Variants in DYNC2H1 observed in about 807,000 individuals in gnomAD.
DYNC2H1 encodes the protein cytoplasmic dynein 2 heavy chain 1.
Under a neutral mutation model 570.0 loss-of-function variants are expected in DYNC2H1, and 410 were observed. The ratio of observed to expected loss-of-function variants is 0.72; its 90% CI spans 0.66 to 0.78. The LOEUF is 0.78. Among genes scored for constraint, DYNC2H1 ranks in the 30% least tolerant of loss-of-function variants. The pLI is 0.00. For synonymous variants in DYNC2H1, 1,688 were observed against 1,677.6 expected (o/e 1.01, Z -0.15); for missense variants, 4,865 against 5,046.4 (o/e 0.96, Z 1.09).
chr11:103,259,853 AAATTTCCTAATG>A (rs1565440077), intron 69 of DYNC2H1, 23 bp from the exon 70 acceptor site: 1 of 1,380,222 alleles, frequency 7.2e-7, no homozygotes, highest in Non-Finnish European at 9.8e-7. Flanking sequence ...AAATGTTTAT[AAATTTCCTAATG>A]AATTTCCAAT....
At chr11:103,327,648 C>G (rs1392964924) in intron 82 of DYNC2H1, among the ~76,000 whole-genome samples, 1 of 152,016 alleles carries the variant, frequency 6.6e-6, no homozygotes, top group Non-Finnish European at 1.5e-5. Context: ...CAGATACAGC[C>G]TTAGAGACTT....
At chr11:103,364,410 A>G (rs898232183) in intron 83 of DYNC2H1, among the ~76,000 whole-genome samples, 8 of 152,078 alleles carry the variant, frequency 5.3e-5, no homozygotes, top group Admixed American at 4.6e-4. Flanking sequence ...AAACATTTTT[A>G]TGATGGCTGC....
Position 103,447,756 on chromosome 11 carries a change from C to T in DYNC2H1, c.12457-7430C>T, listed in dbSNP as rs118065667. 3.2e-3 allele frequency among the ~76,000 whole-genome samples: 483 copies of T among 152,202 alleles called. 5 individuals are homozygous for T. The highest frequency in any genetic ancestry group is 0.023 in the Admixed American group (359 of 15,280). ...ATTTTATAAGCACTTGGGTTTACTACTAATGTTTTGTTTCTTGTGGGTATC... is the reference window on the plus strand; with the variant it reads ...ATTTTATAAGCACTTGGGTTTACTATTAATGTTTTGTTTCTTGTGGGTATC... On this transcript the variant is annotated intron_variant, in intron 85 of 88. Coordinates refer to ENST00000375735, the MANE Select transcript of DYNC2H1 (RefSeq NM_001377.3).
At chr11:103,365,316 G>A (rs963948851) in intron 83 of DYNC2H1, among the ~76,000 whole-genome samples, 17 of 151,362 alleles carry the variant, frequency 1.1e-4, no homozygotes, top group Non-Finnish European at 1.9e-4. Context: ...AGCCAAGATC[G>A]CACCATTGCA....
chr11:103,341,473 A>G (rs1939437396), intron 82 of DYNC2H1, among the ~76,000 whole-genome samples: 1 of 152,180 alleles, frequency 6.6e-6, no homozygotes, highest in Admixed American at 6.5e-5. Flanking sequence ...GCCACTTAGT[A>G]TTATCTGGGA....
rs1938469936 is a variant in DYNC2H1 at position 103,326,265 on chromosome 11, C to G, written c.12039+2275C>G. 6.6e-6 allele frequency among the ~76,000 whole-genome samples: 1 copy of G among 152,096 alleles called. No individual in the cohort carries two copies. The highest frequency in any genetic ancestry group is 1.5e-5 in the Non-Finnish European group (1 of 68,018). On this transcript the variant is annotated intron_variant, in intron 82 of 88. Coordinates refer to ENST00000375735, the MANE Select transcript of DYNC2H1 (RefSeq NM_001377.3). This position sits in a 1 kb window ranked among gnomAD's most constrained non-coding sequence, Gnocchi z 6.1. ...GGGGCGGGGAATAAAATCATCTCAC[C>G]AGGGCCCCGTCCTTGGCTTTGAGTG...
In DYNC2H1 at chr11:103,179,244, G is replaced by T; in HGVS notation, c.6347+11G>T. The T allele has an allele frequency of 1.2e-6, 2 of 1,610,886 alleles. No individual in the cohort carries two copies. The highest frequency in any genetic ancestry group is 1.7e-6 in the Non-Finnish European group (2 of 1,177,742). ...AATGATCTTTCTTAGGTAAGCCATA[G>T]ATTATTTATATACAGTATATTAGAA... is the stretch of plus-strand genomic sequence containing the variant. On this transcript the variant is annotated intron_variant, in intron 39 of 88. Transcript: ENST00000375735.
chr11:103,477,349 A>C (rs992371), intron 88 of DYNC2H1, among the ~76,000 whole-genome samples: 73,814 of 151,930 alleles, frequency 0.49, 19,658 homozygotes, highest in Non-Finnish European at 0.61. Context: ...ATATTTTAAA[A>C]TGGGTCTAGC....
At chr11:103,290,295 CTT>C (rs1208377018) in intron 75 of DYNC2H1, among the ~76,000 whole-genome samples, 6 of 152,032 alleles carry the variant, frequency 3.9e-5, no homozygotes, top group Non-Finnish European at 8.8e-5. Context: ...TTTTGAGTCA[CTT>C]TTTAGACTGG....
chr11:103,167,651 G>A (rs1381052995), intron 31 of DYNC2H1, among the ~76,000 whole-genome samples: 1 of 152,118 alleles, frequency 6.6e-6, no homozygotes, highest in Non-Finnish European at 1.5e-5. Flanking sequence ...CTTTTCTTAT[G>A]TGAATTGAGA....
intron 87 of DYNC2H1, among the ~76,000 whole-genome samples, chr11:103,464,646 A>G (rs1163035445): frequency 6.6e-6 from 1 of 152,212 alleles, no homozygotes; most frequent in African/African-American, 2.4e-5. Flanking sequence ...ACTAGATGTC[A>G]GAAGACAGTA....
At position 103,461,611 on chromosome 11, in the gene DYNC2H1, G is replaced by A. The variant is rs974769038; in HGVS notation, c.12648+5255G>A. 2.0e-5 allele frequency among the ~76,000 whole-genome samples: 3 copies of A among 152,112 alleles called. No individual in the cohort carries two copies. In the East Asian group the frequency reaches 5.8e-4, roughly 29 times the overall value. Reference sequence around the variant, plus strand: ...CTTCGAGTGCTCAGTAGCCATATGCGGTATAGTATATACAGTAACCACATA... The same window carrying A: ...CTTCGAGTGCTCAGTAGCCATATGCAGTATAGTATATACAGTAACCACATA... On this transcript the variant is annotated intron_variant, in intron 87 of 88. Coordinates refer to ENST00000375735, the MANE Select transcript of DYNC2H1 (RefSeq NM_001377.3). This position sits in a 1 kb window ranked among gnomAD's most constrained non-coding sequence, Gnocchi z 4.8.
At chr11:103,430,030 G>T (rs182707089) in intron 84 of DYNC2H1, among the ~76,000 whole-genome samples, 1 of 152,268 alleles carries the variant, frequency 6.6e-6, no homozygotes. Context: ...TCAATAGTCT[G>T]CAGATAATGG....
In DYNC2H1 at chr11:103,205,028, C is replaced by T. The variant is rs555391365; in HGVS notation, c.8454+64C>T. ...TTATTTTTGAAGTTATTGATTTTCA[C>T]AACTTCTCTTTGGTGTTGGTTATAA... On this transcript the variant is annotated intron_variant, in intron 52 of 88. Transcript: ENST00000375735. This position sits in a 1 kb window ranked among gnomAD's most constrained non-coding sequence, Gnocchi z 4.5. 26 of 1,452,450 alleles carry T rather than the reference C, an allele frequency of 1.8e-5. No homozygotes were observed. The African/African-American group carries it at 2.7e-4, about 15-fold the overall frequency. 90.0% of individuals were successfully genotyped at this position (1,452,450 alleles called of 1,614,324 possible). A position where few individuals can be genotyped will look rare whatever the true frequency, so the allele number is the denominator to read the frequency against.
rs986805339 is a variant in DYNC2H1, at chr11:103,268,446, A to G, written c.10695+8469A>G. The stretch of plus-strand genomic sequence containing the variant: ...TGTAATTATTATCTTCTATTTTTTA[A>G]TCATTGGATTTACTTAATTTATACT... On this transcript the variant is annotated intron_variant, in intron 70 of 88. Coordinates refer to ENST00000375735, the MANE Select transcript of DYNC2H1 (RefSeq NM_001377.3). The surrounding 1 kb of genome is among the most constrained non-coding windows in gnomAD (Gnocchi z 4.6). Among the ~76,000 whole-genome samples, 11 of 151,822 alleles carry G rather than the reference A, an allele frequency of 7.2e-5. No homozygotes were observed. Among genetic ancestry groups the G allele is most frequent in the East Asian group, 1.9e-4 (1 of 5,202 alleles).
At chr11:103,173,525 T>C (rs944400734) in intron 35 of DYNC2H1, among the ~76,000 whole-genome samples, 1 of 151,872 alleles carries the variant, frequency 6.6e-6, no homozygotes, top group Non-Finnish European at 1.5e-5. Flanking sequence ...ATTTGATCAG[T>C]TTTTTTTCTT....
chr11:103,425,699 G>A (rs35686355), intron 84 of DYNC2H1, among the ~76,000 whole-genome samples: 49,287 of 151,592 alleles, frequency 0.33, 8,098 homozygotes, highest in African/African-American at 0.36. Flanking sequence ...ATTTAACAAC[G>A]AATTTAAATA....
At chr11:103,194,158 A>G (rs1862425930) in intron 47 of DYNC2H1, among the ~76,000 whole-genome samples, 1 of 152,012 alleles carries the variant, frequency 6.6e-6, no homozygotes. Context: ...GAAACTACTA[A>G]TCTGTTGTTT....
rs544722513 is a variant in DYNC2H1, at chr11:103,132,873, TCCTC to T, written c.1954-678_1954-675del. 2.3e-4 allele frequency among the ~76,000 whole-genome samples: 35 copies of T among 151,944 alleles called. No homozygotes were observed. In the East Asian group the frequency reaches 6.7e-3, roughly 29 times the overall value. On this transcript the variant is annotated intron_variant, in intron 13 of 88. Transcript: ENST00000375735. ...CAGCTTCCTACTGGGCCCTGTTGACTCCTCCCTGTTAGGGAGGAGGAGTAGAGGA... is the reference window on the plus strand; with the variant it reads ...CAGCTTCCTACTGGGCCCTGTTGACTCCTGTTAGGGAGGAGGAGTAGAGGA...
Sources: allele counts gnomAD v4.1 joint callset (sites outside exome capture counted in the v4.1 genomes callset), GRCh38; gene constraint gnomAD v4.1.1; non-coding constraint Gnocchi (gnomAD v3.1); transcripts MANE v1.5; gene names NCBI Gene and HGNC (gene_info 2026-07-23, HGNC 2026-07-21).